CYP7B1: variants seen among roughly 807,000 people sequenced by gnomAD.
CYP7B1 encodes the protein cytochrome P450 7B1.
A neutral mutation model predicts 42.7 loss-of-function variants in CYP7B1; 29 were observed. That is an observed-to-expected ratio of 0.68 (90% confidence interval 0.51 to 0.93). The LOEUF is 0.93. CYP7B1 is among the 40% of genes least tolerant of loss of function. The pLI is 0.00. For missense variants in CYP7B1, 655 were observed against 600.5 expected (o/e 1.09, Z -0.95); for synonymous variants, 235 against 218.2 (o/e 1.08, Z -0.68).
intron 1 of CYP7B1, among the ~76,000 whole-genome samples, chr8:64,649,012 T>C (rs567975311): frequency 6.6e-6 from 1 of 152,204 alleles, no homozygotes; most frequent in Non-Finnish European, 1.5e-5. Flanking sequence ...AAATTTATCA[T>C]CTCAACCATT....
chr8:64,725,417 A>G (rs557666336), intron 1 of CYP7B1, among the ~76,000 whole-genome samples: 52 of 152,378 alleles, frequency 3.4e-4, no homozygotes, highest in Admixed American at 7.2e-4. Context: ...GTGTCAAGTT[A>G]GGTAATGTTA....
intron 1 of CYP7B1, among the ~76,000 whole-genome samples, chr8:64,649,040 T>C (rs1479295733): frequency 6.6e-6 from 1 of 152,226 alleles, no homozygotes; most frequent in Non-Finnish European, 1.5e-5. Context: ...TACAGTTTAG[T>C]AATGTTAAGT....
chr8:64,685,321 C>T (rs1806607868), intron 1 of CYP7B1, among the ~76,000 whole-genome samples: 3 of 133,984 alleles, frequency 2.2e-5, no homozygotes, highest in East Asian at 2.2e-4. Flanking sequence ...TCTGCCTGGC[C>T]GCCCATCGTC....
In CYP7B1 at chr8:64,590,880, T is replaced by C. The variant is rs1011282797; in HGVS notation, c.*5762A>G. On this transcript the variant is annotated 3_prime_UTR_variant, in exon 6 of 6. Coordinates refer to ENST00000310193, the MANE Select transcript of CYP7B1 (RefSeq NM_004820.5). ...CTTTAAAGTTAATTTATTAAATTTTTGTTGTACATAAAAGAACATTAAGTA... is the reference window on the plus strand; with the variant it reads ...CTTTAAAGTTAATTTATTAAATTTTCGTTGTACATAAAAGAACATTAAGTA... Among the ~76,000 whole-genome samples, 19 of 152,180 alleles carry C rather than the reference T, an allele frequency of 1.2e-4. No homozygotes were observed. The South Asian group carries it at 2.9e-3, about 23-fold the overall frequency.
At chr8:64,707,964 CAT>C (rs1807024674) in intron 1 of CYP7B1, among the ~76,000 whole-genome samples, 1 of 152,082 alleles carries the variant, frequency 6.6e-6, no homozygotes, top group African/African-American at 2.4e-5. Context: ...AAGTGCTAAT[CAT>C]ATAATTCTAA....
intron 1 of CYP7B1, among the ~76,000 whole-genome samples, chr8:64,798,176 C>T (rs1258316262): frequency 1.3e-5 from 2 of 152,246 alleles, no homozygotes; most frequent in Non-Finnish European, 2.9e-5. Flanking sequence ...TGGCAAGGCA[C>T]ACAATGTGTC....
chr8:64,644,115 A>C lies in CYP7B1; in HGVS notation c.123-19576T>G, dbSNP rs532754234. Among the ~76,000 whole-genome samples the C allele has an allele frequency of 1.1e-3, 167 of 152,244 alleles. 1 individual carries two copies. The highest frequency in any genetic ancestry group is 3.8e-3 in the African/African-American group (156 of 41,560). On this transcript the variant is annotated intron_variant, in intron 1 of 5. Transcript: ENST00000310193. Reference sequence around the variant, plus strand: ...TGGTGAAACCCCGTCTCTACTAAAAATACAAAAATTAGCCGGGTGTGGTGG... The same window carrying C: ...TGGTGAAACCCCGTCTCTACTAAAACTACAAAAATTAGCCGGGTGTGGTGG...
At chr8:64,630,657 C>T (rs998968770) in intron 1 of CYP7B1, among the ~76,000 whole-genome samples, 17 of 152,214 alleles carry the variant, frequency 1.1e-4, no homozygotes, top group Admixed American at 1.1e-3. Context: ...TTAAGTAAAA[C>T]TGCCAAATGC....
At chr8:64,665,599 G>T (rs1232803737) in intron 1 of CYP7B1, among the ~76,000 whole-genome samples, 1 of 63,170 alleles carries the variant, frequency 1.6e-5, no homozygotes, top group Non-Finnish European at 3.0e-5. Flanking sequence ...TTTTTGAGAC[G>T]GAGTTTCACT....
In CYP7B1 at chr8:64,624,192, T is replaced by A. The variant is rs372170330; in HGVS notation, c.259+211A>T. ...GACAGGTGATGGCTGGAAAGAAGGG[T>A]TCCCTAAGTACCATGAAGAGAGTTC... On this transcript the variant is annotated intron_variant, in intron 2 of 5. Coordinates refer to ENST00000310193, the MANE Select transcript of CYP7B1 (RefSeq NM_004820.5). 3.3e-5 allele frequency among the ~76,000 whole-genome samples: 5 copies of A among 151,688 alleles called. 1 individual carries two copies. Among genetic ancestry groups the A allele is most frequent in the African/African-American group, 1.2e-4 (5 of 41,432 alleles).
At chr8:64,790,440 T>C (rs1346224231) in intron 1 of CYP7B1, among the ~76,000 whole-genome samples, 2 of 152,166 alleles carry the variant, frequency 1.3e-5, no homozygotes, top group Non-Finnish European at 2.9e-5. Flanking sequence ...GGTGTGAGTG[T>C]CCAGTGAGAA....
downstream of CYP7B1, chr8:64,587,820 T>C (rs1174130181): frequency 6.6e-6 from 1 of 152,180 alleles, no homozygotes; most frequent in Admixed American, 6.5e-5. Context: ...AATGAATGGG[T>C]TGGGAAGGTT....
At chr8:64,648,792 T>A (rs1805992556) in intron 1 of CYP7B1, among the ~76,000 whole-genome samples, 1 of 152,192 alleles carries the variant, frequency 6.6e-6, no homozygotes, top group Non-Finnish European at 1.5e-5. Flanking sequence ...ATATTGTAAT[T>A]TCTGCTGAAT....
At chr8:64,675,444 A>C (rs1806431658) in intron 1 of CYP7B1, among the ~76,000 whole-genome samples, 1 of 150,716 alleles carries the variant, frequency 6.6e-6, no homozygotes, top group Non-Finnish European at 1.5e-5. Flanking sequence ...TTCATGCATT[A>C]TTTTATTATT....
At chr8:64,745,661 A>G (rs953370112) in intron 1 of CYP7B1, among the ~76,000 whole-genome samples, 1 of 152,150 alleles carries the variant, frequency 6.6e-6, no homozygotes, top group Non-Finnish European at 1.5e-5. Flanking sequence ...GGGTGCAGAG[A>G]GCCCTCTAGC....
At chr8:64,785,247 A>G (rs1333851309) in intron 1 of CYP7B1, among the ~76,000 whole-genome samples, 2 of 152,230 alleles carry the variant, frequency 1.3e-5, no homozygotes, top group Non-Finnish European at 2.9e-5. Context: ...AGTCTCATTC[A>G]TCGCTGGTAG....
intron 1 of CYP7B1, among the ~76,000 whole-genome samples, chr8:64,679,921 A>G (rs1806510423): frequency 6.6e-6 from 1 of 152,194 alleles, no homozygotes; most frequent in Non-Finnish European, 1.5e-5. Context: ...AAAAGCACTT[A>G]ACATAAAACT....
chr8:64,754,671 C>T (rs1807781324), intron 1 of CYP7B1, among the ~76,000 whole-genome samples: 1 of 152,000 alleles, frequency 6.6e-6, no homozygotes, highest in Admixed American at 6.6e-5. Context: ...GTGAGTTTGA[C>T]CATTAGGATC....
intron 1 of CYP7B1, among the ~76,000 whole-genome samples, chr8:64,656,768 GATGTTAA>G (rs1806126781): frequency 6.6e-6 from 1 of 152,152 alleles, no homozygotes; most frequent in Admixed American, 6.5e-5. Flanking sequence ...TCTATTTATT[GATGTTAA>G]GAAGTGTCCC....
Sources: allele counts gnomAD v4.1 joint callset (sites outside exome capture counted in the v4.1 genomes callset), GRCh38; gene constraint gnomAD v4.1.1; transcripts MANE v1.5; gene names NCBI Gene and HGNC (gene_info 2026-07-23, HGNC 2026-07-21).